The following MACO1 variants were observed in gnomAD, a reference collection of about 807,000 sequenced individuals.
MACO1 encodes macoilin 1.
In MACO1, 14 loss-of-function variants were observed where a neutral mutation model predicts 78.7. That is an observed-to-expected ratio of 0.18 (90% CI 0.12 to 0.28). The LOEUF is 0.28. Ranked by LOEUF, MACO1 falls within the 10% of genes least tolerant of loss-of-function variation. The pLI is 1.00. For missense variants in MACO1, 501 were observed against 799.0 expected, an observed-to-expected ratio of 0.63 and a Z score of 4.50; for synonymous variants, 288 against 291.6, an observed-to-expected ratio of 0.99 and a Z score of 0.12.
intron 1 of MACO1, among the ~76,000 whole-genome samples, chr1:25,440,016 C>CAA (rs200908330): frequency 3.4e-4 from 36 of 107,074 alleles, no homozygotes; most frequent in African/African-American, 1.0e-3. Flanking sequence ...AACTCTGTCT[C>CAA]AAAAAAAAAA....
intron 10 of MACO1, 29 bp downstream of exon 10, chr1:25,491,613 G>A: frequency 6.2e-7 from 1 of 1,602,638 alleles, no homozygotes; most frequent in Non-Finnish European, 8.5e-7. Flanking sequence ...CTGGTGAGGT[G>A]GTGTGACTGA....
Position 25,489,156 on chromosome 1 carries a change from CTCT to C in MACO1, c.1497-12_1497-10del, listed in dbSNP as rs758902606. 6.8e-6 allele frequency: 11 copies of C among 1,611,336 alleles called. No individual in the cohort carries two copies. The highest frequency in any genetic ancestry group is 9.3e-6 in the Non-Finnish European group (11 of 1,178,966). The stretch of plus-strand genomic sequence containing the variant: ...GTCTTTTAAATCACTTTATTTCCTT[CTCT>C]TCTTTTTCAAAAGGGGAGAATGCAC... On this transcript the variant is annotated splice_polypyrimidine_tract_variant and intron_variant, in intron 8 of 10. Coordinates refer to ENST00000374343, the MANE Select transcript of MACO1 (RefSeq NM_018202.6).
intron 1 of MACO1, among the ~76,000 whole-genome samples, chr1:25,441,260 G>A (rs2042969603): frequency 6.6e-6 from 1 of 151,398 alleles, no homozygotes; most frequent in Admixed American, 6.6e-5. Flanking sequence ...GTATGATCTC[G>A]GCTCACTGTA....
intron 6 of MACO1, among the ~76,000 whole-genome samples, chr1:25,465,647 A>T (rs904715906): frequency 1.3e-5 from 2 of 152,234 alleles, no homozygotes; most frequent in African/African-American, 4.8e-5. Flanking sequence ...GTATAAATTC[A>T]TGGTGTACAA....
At chr1:25,434,755 CTT>C (rs1046477687) in intron 1 of MACO1, among the ~76,000 whole-genome samples, 1 of 152,146 alleles carries the variant, frequency 6.6e-6, no homozygotes, top group African/African-American at 2.4e-5. Context: ...GTACCTAACT[CTT>C]ATATTTCTAA....
At chr1:25,436,808 C>G (rs2042922754) in intron 1 of MACO1, among the ~76,000 whole-genome samples, 1 of 152,174 alleles carries the variant, frequency 6.6e-6, no homozygotes, top group Admixed American at 6.5e-5. Flanking sequence ...TCTTCCCTGG[C>G]CTTTGAAGAC....
intron 8 of MACO1, 63 bp from the exon 9 acceptor site, chr1:25,489,110 A>G: frequency 6.5e-7 from 1 of 1,544,032 alleles, no homozygotes; most frequent in Non-Finnish European, 8.7e-7. Context: ...CCTGAGTCAC[A>G]GGGCCCAGCC....
At position 25,453,660 on chromosome 1, in the gene MACO1, CAA is replaced by C. The variant is rs532604219; in HGVS notation, c.350-579_350-578del. On this transcript the variant is annotated intron_variant, in intron 3 of 10. Transcript: ENST00000374343. ...CCTGGGCGACAGAGTGAGACTCCCT[CAA>C]AAAAAAAAAAAAAAAAAAAGAAGTG... Among the ~76,000 whole-genome samples, 389 of 69,134 alleles carry C rather than the reference CAA, an allele frequency of 5.6e-3. 1 individual carries two copies. Among genetic ancestry groups the C allele is most frequent in the African/African-American group, 0.018 (358 of 19,780 alleles). The allele number at this position is 69,134 out of a possible 152,430, so 45.4% of individuals were successfully genotyped here.
At chr1:25,480,306 G>A (rs543158383) in intron 6 of MACO1, among the ~76,000 whole-genome samples, 8 of 152,152 alleles carry the variant, frequency 5.3e-5, no homozygotes, top group Non-Finnish European at 1.2e-4. Context: ...TCTTAAACTG[G>A]GAATGCTGGT....
chr1:25,478,127 C>G (rs2043339386), intron 6 of MACO1, among the ~76,000 whole-genome samples: 1 of 152,144 alleles, frequency 6.6e-6, no homozygotes, highest in Non-Finnish European at 1.5e-5. Flanking sequence ...GGCCTATAAT[C>G]CCAGCTACTC....
At position 25,458,465 on chromosome 1, in the gene MACO1, C is replaced by G. The variant is rs1194839432; in HGVS notation, c.727C>G (p.Leu243Val). The G allele has an allele frequency of 6.2e-7, 1 of 1,613,294 alleles. No individual in the cohort carries two copies. The highest frequency in any genetic ancestry group is 1.7e-5 in the Admixed American group (1 of 59,780). Residue 243 changes from leucine to valine, a missense_variant, in exon 6 of 11, where the codon CTC becomes GTC. This residue lies in a region of MACO1 where 90 missense variants were observed against 85.7 expected (regional missense o/e 1.05). Transcript: ENST00000374343. ...HNGGIPANKKLSTTLPEIEYR... is the reference protein window; with the variant it reads ...HNGGIPANKKVSTTLPEIEYR... ...TGGAGGTATCCCAGCCAACAAAAAA[C>G]TCTCCACAACTTTGCCAGAGATAGA... is the stretch of plus-strand genomic sequence containing the variant.
In MACO1 at chr1:25,454,104, T is replaced by C. The variant is rs192797778; in HGVS notation, c.350-155T>C. 3.8e-3 allele frequency among the ~76,000 whole-genome samples: 582 copies of C among 152,322 alleles called. 3 individuals carry two copies. The highest frequency in any genetic ancestry group is 0.013 in the African/African-American group (558 of 41,562). Reference sequence around the variant, plus strand: ...AGCGATTCTGTGGAATCATTTGTCATATAAAAGCTTTCAGTTTGGATCAGT... The same window carrying C: ...AGCGATTCTGTGGAATCATTTGTCACATAAAAGCTTTCAGTTTGGATCAGT... On this transcript the variant is annotated intron_variant, in intron 3 of 10. Coordinates refer to ENST00000374343, the MANE Select transcript of MACO1 (RefSeq NM_018202.6).
chr1:25,432,215 A>G (rs1183131133), intron 1 of MACO1, among the ~76,000 whole-genome samples: 1 of 152,222 alleles, frequency 6.6e-6, no homozygotes, highest in Admixed American at 6.5e-5. Context: ...TAGCTGTGGG[A>G]TTTCAAGAAA....
chr1:25,447,442 CTT>C (rs1165337818), intron 2 of MACO1, among the ~76,000 whole-genome samples: 3 of 152,182 alleles, frequency 2.0e-5, no homozygotes, highest in East Asian at 1.9e-4. Flanking sequence ...AAAATACACA[CTT>C]ATTAATGCAC....
chr1:25,441,880 A>G lies in MACO1; in HGVS notation c.81-4882A>G, dbSNP rs189545269. ...GAAGAACTAACCCTGAACAGTTTGA[A>G]TGTTCCCAGTTATGAGAAGGACAGT... On this transcript the variant is annotated intron_variant, in intron 1 of 10. Coordinates refer to ENST00000374343, the MANE Select transcript of MACO1 (RefSeq NM_018202.6). 5.3e-3 allele frequency among the ~76,000 whole-genome samples: 807 copies of G among 152,338 alleles called. 6 individuals are homozygous for G. The highest frequency in any genetic ancestry group is 0.018 in the African/African-American group (746 of 41,574).
chr1:25,483,974 C>A, intron 6 of MACO1, 142 bp from the exon 7 acceptor site: 1 of 757,292 alleles, frequency 1.3e-6, no homozygotes, highest in Non-Finnish European at 2.1e-6. Context: ...CAGTTGCAGA[C>A]AGGAGTCCTC....
At chr1:25,443,279 A>C (rs761770266) in intron 1 of MACO1, among the ~76,000 whole-genome samples, 21 of 152,228 alleles carry the variant, frequency 1.4e-4, no homozygotes, top group Non-Finnish European at 3.1e-4. Context: ...GTGAATACTG[A>C]ATCAGGCAGC....
intron 4 of MACO1, 106 bp downstream of exon 4, chr1:25,454,488 A>ATATATATAT (rs1441909435): frequency 2.8e-4 from 20 of 72,370 alleles, no homozygotes; most frequent in South Asian, 1.0e-3. Context: ...ATATATATAT[A>ATATATATAT]TTTTTTTTTT....
intron 1 of MACO1, among the ~76,000 whole-genome samples, chr1:25,446,285 G>GA (rs895619340): frequency 1.3e-5 from 2 of 151,946 alleles, no homozygotes; most frequent in Admixed American, 6.6e-5. Flanking sequence ...AAAAAAGGGG[G>GA]AAAAAAAGAC....
Sources: allele counts gnomAD v4.1 joint callset (sites outside exome capture counted in the v4.1 genomes callset), GRCh38; gene constraint gnomAD v4.1.1; regional missense constraint gnomAD v4.1.1; transcripts MANE v1.5; gene names NCBI Gene and HGNC (gene_info 2026-07-23, HGNC 2026-07-21).